The following CNTN5 variants were observed in gnomAD, a reference collection of about 807,000 sequenced individuals.
CNTN5 encodes the protein contactin 5, also known as contactin-5.
A neutral mutation model predicts 129.1 loss-of-function variants in CNTN5; 77 were observed. The ratio of observed to expected loss-of-function variants is 0.60; its 90% CI spans 0.50 to 0.72. The LOEUF (loss-of-function observed/expected upper bound fraction) is 0.72. Ranked by LOEUF, CNTN5 falls within the 30% of genes least tolerant of loss-of-function variation. CNTN5 has a pLI of 0.00. For synonymous variants in CNTN5, 509 were observed against 465.6 expected, an observed-to-expected ratio of 1.09 and a Z score of -1.20; for missense variants, 1,478 against 1,328.8, an observed-to-expected ratio of 1.11 and a Z score of -1.75.
chr11:99,517,091 T>C (rs1053855694), intron 2 of CNTN5, among the ~76,000 whole-genome samples: 4 of 152,040 alleles, frequency 2.6e-5, no homozygotes, highest in African/African-American at 9.7e-5. Flanking sequence ...ATGATCTAAG[T>C]TTATTCCTTA....
At chr11:99,612,842 A>G (rs753951729) in intron 3 of CNTN5, among the ~76,000 whole-genome samples, 4 of 152,190 alleles carry the variant, frequency 2.6e-5, no homozygotes, top group Non-Finnish European at 4.4e-5. Flanking sequence ...CTGGCCTTGG[A>G]GATGTCAACA....
At chr11:99,840,081 C>T (rs61911616) in intron 4 of CNTN5, among the ~76,000 whole-genome samples, 26,951 of 151,808 alleles carry the variant, frequency 0.18, 3,278 homozygotes, top group East Asian at 0.55. Context: ...CTGTGGGTGT[C>T]CATGCATAAA....
intron 1 of CNTN5, among the ~76,000 whole-genome samples, chr11:99,182,486 T>C (rs17133207): frequency 0.099 from 15,021 of 152,070 alleles, 1,292 homozygotes; most frequent in East Asian, 0.4. Flanking sequence ...TAATAAATTA[T>C]GGATAAAAAT....
intron 16 of CNTN5, among the ~76,000 whole-genome samples, chr11:100,235,956 C>G (rs1949605293): frequency 6.6e-6 from 1 of 152,084 alleles, no homozygotes; most frequent in African/African-American, 2.4e-5. Context: ...AATGAGTACT[C>G]AGACACAGGT....
At chr11:99,710,442 C>T (rs1400140878) in intron 3 of CNTN5, among the ~76,000 whole-genome samples, 6 of 151,684 alleles carry the variant, frequency 4.0e-5, no homozygotes, top group African/African-American at 9.7e-5. Flanking sequence ...TTGTTGTTGT[C>T]GTTCCTGTTG....
intron 2 of CNTN5, among the ~76,000 whole-genome samples, chr11:99,525,287 T>A (rs904191879): frequency 2.0e-5 from 3 of 151,908 alleles, no homozygotes; most frequent in Admixed American, 6.6e-5. Flanking sequence ...ACTTATAATT[T>A]AAAAAAAATA....
intron 1 of CNTN5, among the ~76,000 whole-genome samples, chr11:99,256,739 A>G (rs1862394032): frequency 6.6e-6 from 1 of 152,102 alleles, no homozygotes; most frequent in African/African-American, 2.4e-5. Flanking sequence ...TACAAGAACT[A>G]CATAGATAAT....
intron 3 of CNTN5, among the ~76,000 whole-genome samples, chr11:99,693,305 GC>G (rs200823196): frequency 0.015 from 2,334 of 152,078 alleles, 55 homozygotes; most frequent in African/African-American, 0.052. Context: ...TGGAATTATA[GC>G]TAAATTATTC....
At chr11:100,208,045 C>T (rs73000869) in intron 15 of CNTN5, among the ~76,000 whole-genome samples, 6,062 of 152,104 alleles carry the variant, frequency 0.04, 186 homozygotes, top group East Asian at 0.17. Flanking sequence ...ATATTTTAGG[C>T]ATTGAGATTT....
chr11:99,215,390 A>G (rs1860063642), intron 1 of CNTN5, among the ~76,000 whole-genome samples: 1 of 152,116 alleles, frequency 6.6e-6, no homozygotes, highest in African/African-American at 2.4e-5. Flanking sequence ...TAACAGCTGA[A>G]ATGATCAAAG....
chr11:100,339,709 G>A (rs949458580), intron 21 of CNTN5, among the ~76,000 whole-genome samples: 1 of 152,182 alleles, frequency 6.6e-6, no homozygotes, highest in African/African-American at 2.4e-5. Flanking sequence ...TAAGGAAGTA[G>A]ATGGGAGAAA....
At chr11:99,652,953 G>A (rs1952215157) in intron 3 of CNTN5, among the ~76,000 whole-genome samples, 4 of 151,870 alleles carry the variant, frequency 2.6e-5, no homozygotes, top group Admixed American at 2.6e-4. Context: ...TTGAGAAAGG[G>A]TTTATTTCAA....
intron 2 of CNTN5, among the ~76,000 whole-genome samples, chr11:99,471,295 ATAAG>A (rs1945162794): frequency 6.6e-6 from 1 of 152,158 alleles, no homozygotes; most frequent in South Asian, 2.1e-4. Flanking sequence ...ATCAAACAAT[ATAAG>A]TAATCTTTAT....
intron 9 of CNTN5, among the ~76,000 whole-genome samples, chr11:100,034,084 C>T (rs908562475): frequency 2.0e-5 from 3 of 152,202 alleles, no homozygotes; most frequent in African/African-American, 7.2e-5. Context: ...CCAGCCACTC[C>T]TCTCTACTGG....
intron 3 of CNTN5, among the ~76,000 whole-genome samples, chr11:99,632,982 C>A (rs541291504): frequency 9.2e-5 from 14 of 151,960 alleles, no homozygotes; most frequent in Admixed American, 2.0e-4. Flanking sequence ...GGAAATGTAA[C>A]TGTTTGCATG....
At chr11:99,188,539 C>T (rs567607140) in intron 1 of CNTN5, among the ~76,000 whole-genome samples, 1 of 151,878 alleles carries the variant, frequency 6.6e-6, no homozygotes, top group East Asian at 1.9e-4. Context: ...TTCATGTTTA[C>T]AATCTGCAAT....
intron 13 of CNTN5, among the ~76,000 whole-genome samples, chr11:100,077,471 G>C (rs1330044860): frequency 6.6e-6 from 1 of 151,914 alleles, no homozygotes; most frequent in Non-Finnish European, 1.5e-5. Context: ...TTCTGTATAA[G>C]AAATAAATAA....
intron 3 of CNTN5, among the ~76,000 whole-genome samples, chr11:99,745,106 AT>A (rs1196512443): frequency 6.6e-6 from 1 of 152,164 alleles, no homozygotes; most frequent in African/African-American, 2.4e-5. Flanking sequence ...AAGCGTTTTT[AT>A]TGGCAGACCT....
At position 99,660,259 on chromosome 11, in the gene CNTN5, A is replaced by T. The variant is rs978964491; in HGVS notation, c.55+103990A>T. On this transcript the variant is annotated intron_variant, in intron 3 of 24. Transcript: ENST00000524871. ...TAATTCATTCTGTTTGCTTATATGTATGTAAACCTTAGAAAGTACAAGCTA... is the reference window on the plus strand; with the variant it reads ...TAATTCATTCTGTTTGCTTATATGTTTGTAAACCTTAGAAAGTACAAGCTA... 4.6e-5 allele frequency among the ~76,000 whole-genome samples: 7 copies of T among 152,282 alleles called. No homozygotes were observed. The East Asian group carries it at 5.8e-4, about 13-fold the overall frequency.
Sources: gnomAD v4.1 joint callset for allele counts (sites outside exome capture counted in the v4.1 genomes callset) on GRCh38, gnomAD v4.1.1 for gene constraint, MANE v1.5 for transcripts, NCBI Gene and HGNC (gene_info 2026-07-23, HGNC 2026-07-21) for gene names.